Variants in PACRGL observed in about 807,000 individuals in gnomAD.
The protein encoded by PACRGL is parkin coregulated like, also known as PACRG-like protein.
Under a neutral mutation model 34.5 loss-of-function variants are expected in PACRGL, and 38 were observed. The ratio of observed to expected loss-of-function variants is 1.10; its 90% CI spans 0.85 to 1.44. The LOEUF (loss-of-function observed/expected upper bound fraction) is 1.44, where lower values mean the gene tolerates loss of function less well. Among genes scored for constraint, PACRGL ranks in the 40% most tolerant of loss-of-function variants. The pLI is 0.00. For missense variants in PACRGL, 305 were observed against 281.4 expected (o/e 1.08, Z -0.60); for synonymous variants, 128 against 100.1 (o/e 1.28, Z -1.66).
chr4:20,749,808 T>C, intron 8 of PACRGL: 1 of 924,388 alleles, frequency 1.1e-6, no homozygotes, highest in Non-Finnish European at 1.7e-6. Context: ...CAGTCCAAGC[T>C]TCCTTTGATC....
chr4:20,705,035 C>G, intron 3 of PACRGL, among the ~76,000 whole-genome samples: 1 of 152,130 alleles, frequency 6.6e-6, no homozygotes, highest in Admixed American at 6.5e-5. Context: ...TTTGGGATAT[C>G]GCATTGTAGT....
At chr4:20,700,131 T>G (rs2149015652), upstream of PACRGL, among the ~76,000 whole-genome samples, 1 of 152,170 alleles carries the variant, frequency 6.6e-6, no homozygotes, top group South Asian at 2.1e-4. Context: ...TGAGGAACAA[T>G]GAGTATTAAG....
At chr4:20,716,174 G>A (rs1394856456) in intron 7 of PACRGL, 3 of 1,239,808 alleles carry the variant, frequency 2.4e-6, no homozygotes, top group African/African-American at 1.5e-5. Context: ...AAGGATCCAT[G>A]GAACTCAGGA....
chr4:20,720,674 G>T (rs1742626984), intron 7 of PACRGL, among the ~76,000 whole-genome samples: 1 of 152,176 alleles, frequency 6.6e-6, no homozygotes, highest in African/African-American at 2.4e-5. Flanking sequence ...CTGGCTTGTA[G>T]AGTGTCTGCC....
At chr4:20,764,294 CAA>C in the PACRGL span, among the ~76,000 whole-genome samples, 5 of 152,114 alleles carry the variant, frequency 3.3e-5, no homozygotes, top group East Asian at 7.7e-4. Context: ...TTTAATAAGA[CAA>C]AATTATAGCA....
At chr4:20,758,124 T>A in the PACRGL span, among the ~76,000 whole-genome samples, 84 of 152,154 alleles carry the variant, frequency 5.5e-4, no homozygotes, top group Non-Finnish European at 1.1e-3. Flanking sequence ...GGGACAAATA[T>A]AAGTTGGGCA....
At chr4:20,763,734 G>T in the PACRGL span, among the ~76,000 whole-genome samples, 2 of 152,018 alleles carry the variant, frequency 1.3e-5, no homozygotes, top group African/African-American at 4.8e-5. Flanking sequence ...TTTTTATTTT[G>T]TATTTTTGTA....
chr4:20,733,352 T>C (rs1434530967), downstream of PACRGL, among the ~76,000 whole-genome samples: 3 of 152,172 alleles, frequency 2.0e-5, no homozygotes, highest in African/African-American at 7.2e-5. Flanking sequence ...TATTAACTTT[T>C]TCTCTAAAAC....
downstream of PACRGL, among the ~76,000 whole-genome samples, chr4:20,735,798 G>A (rs578206583): frequency 2.6e-5 from 4 of 152,244 alleles, no homozygotes; most frequent in South Asian, 6.2e-4. Context: ...GCCTCTCAAA[G>A]TGCTGGGATT....
intron 7 of PACRGL, among the ~76,000 whole-genome samples, chr4:20,720,576 C>G (rs909973073): frequency 1.3e-5 from 2 of 152,104 alleles, no homozygotes; most frequent in African/African-American, 4.8e-5. Flanking sequence ...ATTTGTCCTT[C>G]GCTTATGAAG....
chr4:20,704,648 G>T lies in PACRGL; in HGVS notation c.53-12G>T, dbSNP rs983594690. ...TGTACCTGGTTTCTATTGATGTTCT[G>T]TTTTTTTCCAGGTAACTATGATCAA... On this transcript the variant is annotated splice_polypyrimidine_tract_variant and intron_variant, in intron 2 of 8. Coordinates refer to ENST00000503585, the MANE Select transcript of PACRGL (RefSeq NM_001258345.3). 5 of 1,613,734 alleles carry T rather than the reference G, an allele frequency of 3.1e-6. No homozygotes were observed. Among genetic ancestry groups the T allele is most frequent in the Non-Finnish European group, 2.5e-6 (3 of 1,179,884 alleles).
At chr4:20,758,937 C>CT in the PACRGL span, 1 of 1,536,852 alleles carries the variant, frequency 6.5e-7, no homozygotes, top group East Asian at 2.3e-5. Flanking sequence ...GTTCATAAAA[C>CT]TGAATTTTTT....
chr4:20,737,909 GTTGT>G (rs1750040682), intron 8 of PACRGL, among the ~76,000 whole-genome samples: 2 of 152,112 alleles, frequency 1.3e-5, no homozygotes, highest in African/African-American at 2.4e-5. Context: ...AGGTGGGAAG[GTTGT>G]TTGAGTCCAA....
chr4:20,721,488 TA>T (rs1743176966), intron 7 of PACRGL, among the ~76,000 whole-genome samples: 1 of 152,186 alleles, frequency 6.6e-6, no homozygotes, highest in Non-Finnish European at 1.5e-5. Context: ...GATGGTGACG[TA>T]CAAGTGGGGT....
At chr4:20,718,277 C>T (rs1482598269) in intron 7 of PACRGL, among the ~76,000 whole-genome samples, 7 of 152,172 alleles carry the variant, frequency 4.6e-5, no homozygotes, top group Admixed American at 4.6e-4. Context: ...CATCTGCAAA[C>T]GGGGACAATT....
intron 1 of PACRGL, among the ~76,000 whole-genome samples, chr4:20,701,342 G>T (rs1732093881): frequency 6.6e-6 from 1 of 152,278 alleles, no homozygotes; most frequent in African/African-American, 2.4e-5. Flanking sequence ...GCTTTAAGGG[G>T]AATGTGTGGG....
At chr4:20,736,153 T>A (rs1454663639), downstream of PACRGL, among the ~76,000 whole-genome samples, 5 of 152,238 alleles carry the variant, frequency 3.3e-5, no homozygotes, top group East Asian at 9.6e-4. Flanking sequence ...ACTACTGGCA[T>A]AAATAGTTTG....
intron 7 of PACRGL, among the ~76,000 whole-genome samples, chr4:20,718,161 TG>T (rs1741084203): frequency 6.6e-6 from 1 of 152,194 alleles, no homozygotes; most frequent in South Asian, 2.1e-4. Context: ...AGAATGCTTG[TG>T]ATTTTTGCAC....
chr4:20,756,419 A>T (rs1244495213), downstream of PACRGL, among the ~76,000 whole-genome samples: 1 of 152,036 alleles, frequency 6.6e-6, no homozygotes, highest in African/African-American at 2.4e-5. Flanking sequence ...TCTATCCTAA[A>T]GCTATTAACA....
Sources: gnomAD v4.1 joint callset for allele counts (sites outside exome capture counted in the v4.1 genomes callset) on GRCh38, gnomAD v4.1.1 for gene constraint, MANE v1.5 for transcripts, NCBI Gene and HGNC (gene_info 2026-07-23, HGNC 2026-07-21) for gene names.